The following KLF12 variants were observed in gnomAD, a reference collection of about 807,000 sequenced individuals.
KLF12 encodes the protein Krueppel-like factor 12.
KLF12 carries 9 observed loss-of-function variants against 37.8 expected under a neutral mutation model. That is an observed-to-expected ratio of 0.24 (90% confidence interval 0.14 to 0.42). KLF12 has a LOEUF of 0.42. KLF12 is among the 10% of genes least tolerant of loss of function. The pLI is 1.00. For missense variants in KLF12, 411 were observed against 516.0 expected, an observed-to-expected ratio of 0.80 and a Z score of 1.97; for synonymous variants, 208 against 202.1, an observed-to-expected ratio of 1.03 and a Z score of -0.25.
At chr13:73,740,479 G>A (rs532447121) in intron 6 of KLF12, among the ~76,000 whole-genome samples, 4 of 152,278 alleles carry the variant, frequency 2.6e-5, no homozygotes, top group African/African-American at 9.6e-5. Flanking sequence ...AGATGATTTA[G>A]GAATAGGCAT....
intron 1 of KLF12, among the ~76,000 whole-genome samples, chr13:74,081,168 C>A (rs540008356): frequency 1.3e-5 from 2 of 152,292 alleles, no homozygotes; most frequent in East Asian, 3.9e-4. Context: ...TAATCTAGCC[C>A]TGCCACATAA....
chr13:74,103,304 T>C (rs1484678636), intron 1 of KLF12, among the ~76,000 whole-genome samples: 1 of 152,170 alleles, frequency 6.6e-6, no homozygotes, highest in Non-Finnish European at 1.5e-5. Flanking sequence ...AAAATAGGAG[T>C]ATCCTTGTAG....
intron 2 of KLF12, among the ~76,000 whole-genome samples, chr13:73,972,101 A>C (rs1332427254): frequency 1.3e-5 from 2 of 152,216 alleles, no homozygotes; most frequent in Non-Finnish European, 2.9e-5. Flanking sequence ...GACAACCTTA[A>C]AATTCTGAAA....
intron 3 of KLF12, among the ~76,000 whole-genome samples, chr13:73,868,409 G>A (rs1364493983): frequency 6.9e-6 from 1 of 145,926 alleles, no homozygotes. Flanking sequence ...TTTTGTTTTT[G>A]AGACAGAGTC....
At chr13:74,010,554 C>T (rs781190121) in intron 1 of KLF12, among the ~76,000 whole-genome samples, 1 of 152,156 alleles carries the variant, frequency 6.6e-6, no homozygotes, top group Non-Finnish European at 1.5e-5. Context: ...TTAATGCCTA[C>T]TTTGCATCAT....
chr13:74,117,756 C>A (rs151281815), intron 1 of KLF12, among the ~76,000 whole-genome samples: 35 of 152,230 alleles, frequency 2.3e-4, no homozygotes, highest in African/African-American at 7.9e-4. Flanking sequence ...TCCAATACCC[C>A]CTAAGCCAGT....
At chr13:74,086,929 A>G (rs1875342447) in intron 1 of KLF12, among the ~76,000 whole-genome samples, 1 of 152,198 alleles carries the variant, frequency 6.6e-6, no homozygotes, top group Non-Finnish European at 1.5e-5. Flanking sequence ...GCACATCATC[A>G]TAAAGACCTC....
Position 73,715,542 on chromosome 13 carries a change from T to G in KLF12, c.870-17A>C. On this transcript the variant is annotated splice_polypyrimidine_tract_variant and intron_variant, in intron 6 of 7. Coordinates refer to ENST00000377669, the MANE Select transcript of KLF12 (RefSeq NM_007249.5). ...GAAATTGAACTGGAAAAAGAAAAAG[T>G]GGAGTTACACGGTGAGATGCACACC... 1 of 1,612,512 alleles carries G rather than the reference T, an allele frequency of 6.2e-7. No individual in the cohort carries two copies. Among genetic ancestry groups the G allele is most frequent in the Non-Finnish European group, 8.5e-7 (1 of 1,179,106 alleles).
At chr13:74,051,728 A>C (rs1387540809) in intron 1 of KLF12, among the ~76,000 whole-genome samples, 1 of 152,206 alleles carries the variant, frequency 6.6e-6, no homozygotes, top group Non-Finnish European at 1.5e-5. Context: ...AAGTAGGATC[A>C]AGTAAAAAGG....
intron 4 of KLF12, among the ~76,000 whole-genome samples, chr13:73,838,513 T>C (rs1884560698): frequency 6.6e-6 from 1 of 152,224 alleles, no homozygotes; most frequent in African/African-American, 2.4e-5. Flanking sequence ...TCAGGTATTT[T>C]GGGAAAAGTA....
At chr13:74,025,542 A>G (rs1892954002) in intron 1 of KLF12, among the ~76,000 whole-genome samples, 1 of 151,522 alleles carries the variant, frequency 6.6e-6, no homozygotes, top group East Asian at 1.9e-4. Flanking sequence ...CACATGTTGG[A>G]CACTTTGGTT....
chr13:74,060,675 CTT>C (rs1873543838), intron 1 of KLF12, among the ~76,000 whole-genome samples: 1 of 152,086 alleles, frequency 6.6e-6, no homozygotes, highest in South Asian at 2.1e-4. Flanking sequence ...TCCAAAAAGT[CTT>C]TTGGGTTTTC....
intron 3 of KLF12, among the ~76,000 whole-genome samples, chr13:73,907,678 G>C (rs1888368465): frequency 6.6e-6 from 1 of 152,210 alleles, no homozygotes; most frequent in South Asian, 2.1e-4. Flanking sequence ...AGATGGCACA[G>C]TTCATCCTGG....
At chr13:73,743,906 T>A (rs939295436) in intron 6 of KLF12, among the ~76,000 whole-genome samples, 6 of 152,180 alleles carry the variant, frequency 3.9e-5, no homozygotes, top group Non-Finnish European at 5.9e-5. Flanking sequence ...ATTTACTAAT[T>A]CCTTGAGGCA....
At chr13:73,903,448 G>A (rs1320890044) in intron 3 of KLF12, among the ~76,000 whole-genome samples, 2 of 152,158 alleles carry the variant, frequency 1.3e-5, no homozygotes, top group African/African-American at 4.8e-5. Context: ...ACAAAAACCT[G>A]GCTATCTTTT....
At chr13:74,239,142 C>CT in the KLF12 span, among the ~76,000 whole-genome samples, 2 of 145,348 alleles carry the variant, frequency 1.4e-5, no homozygotes. Context: ...TATGTTGTGT[C>CT]TTTGTTCTCG....
At chr13:73,705,181 T>G (rs190511643) in intron 7 of KLF12, among the ~76,000 whole-genome samples, 12 of 152,348 alleles carry the variant, frequency 7.9e-5, no homozygotes, top group African/African-American at 2.4e-4. Context: ...ATGAGCATTA[T>G]TTTAACATTT....
chr13:74,090,121 A>G (rs945834502), intron 1 of KLF12, among the ~76,000 whole-genome samples: 4 of 152,210 alleles, frequency 2.6e-5, no homozygotes, highest in Admixed American at 6.5e-5. Flanking sequence ...ATATACAAAA[A>G]TCAATACACC....
chr13:73,727,208 T>C (rs537195271), intron 6 of KLF12, among the ~76,000 whole-genome samples: 25 of 152,340 alleles, frequency 1.6e-4, no homozygotes, highest in African/African-American at 5.1e-4. Flanking sequence ...TATTTTGAAG[T>C]TCGATTTAGT....
Sources: allele counts gnomAD v4.1 joint callset (sites outside exome capture counted in the v4.1 genomes callset), GRCh38; gene constraint gnomAD v4.1.1; transcripts MANE v1.5; gene names NCBI Gene and HGNC (gene_info 2026-07-23, HGNC 2026-07-21).